Variants in NRXN1 observed in about 807,000 individuals in gnomAD.
The protein encoded by NRXN1 is neurexin 1, also known as neurexin-1.
A neutral mutation model predicts 150.9 loss-of-function variants in NRXN1; 39 were observed. The ratio of observed to expected loss-of-function variants is 0.26; its 90% CI spans 0.20 to 0.34. The LOEUF (loss-of-function observed/expected upper bound fraction) is 0.34, where lower values mean the gene tolerates loss of function less well. Ranked by LOEUF, NRXN1 falls within the 10% of genes least tolerant of loss-of-function variation. NRXN1 has a pLI of 1.00. For missense variants in NRXN1, 1,815 were observed against 1,949.9 expected, an observed-to-expected ratio of 0.93 and a Z score of 1.30; for synonymous variants, 924 against 757.0, an observed-to-expected ratio of 1.22 and a Z score of -3.62.
chr2:50,917,065 C>T (rs1180923123), intron 5 of NRXN1: 1 of 151,524 alleles, frequency 6.6e-6, no homozygotes, highest in Non-Finnish European at 1.5e-5. Flanking sequence ...AGGTGAAACT[C>T]CGGTCTTCCC....
chr2:50,374,776 T>C (rs766319227), intron 17 of NRXN1, among the ~76,000 whole-genome samples: 1 of 152,230 alleles, frequency 6.6e-6, no homozygotes, highest in African/African-American at 2.4e-5. Context: ...TTTAAAGTTA[T>C]ATTTTCAAAT....
At chr2:50,095,026 T>C (rs1573879711) in intron 18 of NRXN1, among the ~76,000 whole-genome samples, 2 of 152,272 alleles carry the variant, frequency 1.3e-5, no homozygotes, top group Admixed American at 1.3e-4. Context: ...TATGTCTTCT[T>C]TCTTCTGCTT....
intron 17 of NRXN1, among the ~76,000 whole-genome samples, chr2:50,303,121 G>T (rs752879076): frequency 9.2e-5 from 14 of 152,088 alleles, no homozygotes; most frequent in Non-Finnish European, 1.8e-4. Context: ...TTCTCATCTG[G>T]ATCTCATTGG....
intron 8 of NRXN1, among the ~76,000 whole-genome samples, chr2:50,569,307 A>T (rs1273471996): frequency 6.6e-6 from 1 of 152,166 alleles, no homozygotes; most frequent in Non-Finnish European, 1.5e-5. Flanking sequence ...GATTATCTGT[A>T]ACACAGGAAA....
chr2:50,169,840 A>T (rs1340582684), intron 18 of NRXN1, among the ~76,000 whole-genome samples: 1 of 152,088 alleles, frequency 6.6e-6, no homozygotes, highest in Non-Finnish European at 1.5e-5. Context: ...AAACAAAAAA[A>T]CAAACTTACA....
intron 17 of NRXN1, among the ~76,000 whole-genome samples, chr2:50,384,822 A>C (rs2081216546): frequency 6.6e-6 from 1 of 152,078 alleles, no homozygotes; most frequent in Admixed American, 6.6e-5. Context: ...CCACCTACAC[A>C]TGGGCCTGTT....
At chr2:50,186,901 A>C (rs1451778796) in intron 18 of NRXN1, among the ~76,000 whole-genome samples, 1 of 152,096 alleles carries the variant, frequency 6.6e-6, no homozygotes, top group East Asian at 1.9e-4. Context: ...CATTTTTAAA[A>C]TTCCTTCCTT....
At chr2:49,937,179 C>T (rs57936567) in intron 22 of NRXN1, among the ~76,000 whole-genome samples, 30,688 of 152,068 alleles carry the variant, frequency 0.2, 3,283 homozygotes, top group East Asian at 0.29. Flanking sequence ...TAAAACTATC[C>T]CCCTGTCATG....
chr2:50,182,165 CTGAT>C (rs543558563), intron 18 of NRXN1, among the ~76,000 whole-genome samples: 26 of 141,696 alleles, frequency 1.8e-4, no homozygotes, highest in African/African-American at 6.7e-4. Context: ...TATTTCCTCT[CTGAT>C]TGACAAATAA....
intron 17 of NRXN1, among the ~76,000 whole-genome samples, chr2:50,406,304 GA>G (rs1360007835): frequency 1.3e-5 from 2 of 151,444 alleles, no homozygotes; most frequent in South Asian, 2.1e-4. Context: ...AAATAAAGGG[GA>G]AAAAAAAGAA....
intron 21 of NRXN1, chr2:50,024,022 C>A (rs1687936321): frequency 6.6e-6 from 1 of 152,142 alleles, no homozygotes; most frequent in African/African-American, 2.4e-5. Flanking sequence ...GGATGTCTGT[C>A]TAGATACATT....
chr2:50,511,250 G>C (rs1237792997), intron 12 of NRXN1, among the ~76,000 whole-genome samples: 1 of 152,064 alleles, frequency 6.6e-6, no homozygotes, highest in Non-Finnish European at 1.5e-5. Flanking sequence ...AATAGACATG[G>C]AGTTTCACCA....
intron 17 of NRXN1, among the ~76,000 whole-genome samples, chr2:50,308,372 C>A (rs1416721597): frequency 6.6e-6 from 1 of 151,876 alleles, no homozygotes; most frequent in African/African-American, 2.4e-5. Flanking sequence ...CTCTTTTGCC[C>A]AGGCTGGAGT....
intron 8 of NRXN1, among the ~76,000 whole-genome samples, chr2:50,556,630 G>C (rs1668302772): frequency 6.6e-6 from 1 of 151,922 alleles, no homozygotes; most frequent in East Asian, 1.9e-4. Flanking sequence ...TAATATGCAA[G>C]AATAGGGCGT....
intron 18 of NRXN1, among the ~76,000 whole-genome samples, chr2:50,222,437 A>C (rs556650798): frequency 2.0e-4 from 31 of 152,162 alleles, no homozygotes; most frequent in African/African-American, 7.2e-4. Flanking sequence ...AGTTTGTGAT[A>C]TCTTCATACA....
chr2:50,644,183 G>A (rs977819600), intron 5 of NRXN1, among the ~76,000 whole-genome samples: 17 of 151,430 alleles, frequency 1.1e-4, no homozygotes, highest in Non-Finnish European at 1.9e-4. Context: ...GATTTAAACA[G>A]CTATATTAAC....
intron 5 of NRXN1, among the ~76,000 whole-genome samples, chr2:50,717,437 A>G (rs1019468603): frequency 6.6e-6 from 1 of 152,144 alleles, no homozygotes; most frequent in African/African-American, 2.4e-5. Context: ...TGTGTTTGTA[A>G]TGGCCATAAT....
At chr2:50,141,442 A>C (rs1707264661) in intron 18 of NRXN1, among the ~76,000 whole-genome samples, 2 of 152,220 alleles carry the variant, frequency 1.3e-5, no homozygotes, top group South Asian at 4.1e-4. Context: ...AGGGAACAAA[A>C]ACAAAAAGAG....
intron 5 of NRXN1, among the ~76,000 whole-genome samples, chr2:50,849,909 T>TA (rs1197836977): frequency 1.3e-5 from 2 of 152,070 alleles, no homozygotes; most frequent in Non-Finnish European, 2.9e-5. Context: ...CTAAGTTTTT[T>TA]AAAAAATACG....
Sources: allele counts gnomAD v4.1 joint callset (sites outside exome capture counted in the v4.1 genomes callset), GRCh38; gene constraint gnomAD v4.1.1; transcripts MANE v1.5; gene names NCBI Gene and HGNC (gene_info 2026-07-23, HGNC 2026-07-21).